The following UBR2 variants were observed in gnomAD, a reference collection of about 807,000 sequenced individuals.
The protein encoded by UBR2 is E3 ubiquitin-protein ligase UBR2.
In UBR2, 92 loss-of-function variants were observed where a neutral mutation model predicts 247.9. The observed-to-expected ratio is 0.37, with a 90% confidence interval of 0.31 to 0.44. The LOEUF is 0.44. Ranked by LOEUF, UBR2 falls within the 20% of genes least tolerant of loss-of-function variation. The pLI, the probability that UBR2 is intolerant of heterozygous loss-of-function variation, is 1.00. For synonymous variants in UBR2, 672 were observed against 693.5 expected, an observed-to-expected ratio of 0.97 and a Z score of 0.49; for missense variants, 1,613 against 2,112.6, an observed-to-expected ratio of 0.76 and a Z score of 4.64.
In UBR2 at chr6:42,655,204, A is replaced by C. The variant is rs148480772; in HGVS notation, c.2770-417A>C. Among the ~76,000 whole-genome samples the C allele has an allele frequency of 4.2e-3, 637 of 152,270 alleles. 6 individuals are homozygous for C. The highest frequency in any genetic ancestry group is 0.015 in the African/African-American group (605 of 41,556). On this transcript the variant is annotated intron_variant, in intron 25 of 46. Coordinates refer to ENST00000372901, the MANE Select transcript of UBR2 (RefSeq NM_001363705.2). Reference sequence around the variant, plus strand: ...AAAAATTAGTACTTCAAGGCCGGGCATGGTGGCTCACGCCTTTAATCCCAG... The same window carrying C: ...AAAAATTAGTACTTCAAGGCCGGGCCTGGTGGCTCACGCCTTTAATCCCAG...
At position 42,665,305 on chromosome 6, in the gene UBR2, A is replaced by T; in HGVS notation, c.3699-104A>T. 3.7e-6 allele frequency: 3 copies of T among 804,076 alleles called. No homozygotes were observed. The highest frequency in any genetic ancestry group is 3.1e-5 in the Admixed American group (1 of 32,294). The allele number at this position is 804,076 out of a possible 1,614,324, so 49.8% of individuals were successfully genotyped here. ...ATTTTCCCTTATCCTTTTTGTTTTTAATATTTGGAGTGTGTCTAAAATATG... is the reference window on the plus strand; with the variant it reads ...ATTTTCCCTTATCCTTTTTGTTTTTTATATTTGGAGTGTGTCTAAAATATG... On this transcript the variant is annotated intron_variant, in intron 32 of 46. Coordinates refer to ENST00000372901, the MANE Select transcript of UBR2 (RefSeq NM_001363705.2).
chr6:42,599,153 T>G (rs970275776), intron 4 of UBR2, among the ~76,000 whole-genome samples: 7 of 152,136 alleles, frequency 4.6e-5, no homozygotes, highest in African/African-American at 1.7e-4. Flanking sequence ...AAGTGAAGAT[T>G]TTTGTAATCT....
At position 42,658,833 on chromosome 6, in the gene UBR2, A is replaced by C. The variant is rs1381629674; in HGVS notation, c.3242+9A>C. 2 of 1,531,156 alleles carry C rather than the reference A, an allele frequency of 1.3e-6. No individual in the cohort carries two copies. Among genetic ancestry groups the C allele is most frequent in the Non-Finnish European group, 1.7e-6 (2 of 1,144,072 alleles). 94.8% of individuals were successfully genotyped at this position (1,531,156 alleles called of 1,614,324 possible). On this transcript the variant is annotated intron_variant, in intron 29 of 46. Coordinates refer to ENST00000372901, the MANE Select transcript of UBR2 (RefSeq NM_001363705.2). ...GCTGTTCTTGATCATAGGTAAAAAA[A>C]AAAAAAAAAAAAATTAATGTCTTGA...
chr6:42,683,964 A>T (rs889867832), intron 43 of UBR2, among the ~76,000 whole-genome samples: 4 of 152,230 alleles, frequency 2.6e-5, no homozygotes, highest in Admixed American at 2.6e-4. Context: ...TCAGAAGACT[A>T]GAGATTATCT....
chr6:42,594,072 C>A, intron 3 of UBR2, 119 bp from the exon 4 acceptor site: 1 of 657,794 alleles, frequency 1.5e-6, no homozygotes, highest in Admixed American at 3.4e-5. Context: ...AATTTTATGC[C>A]TCCAAAGAAA....
At chr6:42,576,711 G>C (rs973793856) in intron 2 of UBR2, among the ~76,000 whole-genome samples, 1 of 151,830 alleles carries the variant, frequency 6.6e-6, no homozygotes, top group East Asian at 1.9e-4. Context: ...AGTAGGGATG[G>C]GGTTTCACCA....
At chr6:42,603,501 C>T in intron 4 of UBR2, 87 bp from the exon 5 acceptor site, 1 of 1,305,584 alleles carries the variant, frequency 7.7e-7, no homozygotes, top group Non-Finnish European at 9.9e-7. Context: ...TTTTACTATA[C>T]TATTTTGAGG....
intron 16 of UBR2, among the ~76,000 whole-genome samples, chr6:42,640,633 TG>T (rs1236071905): frequency 1.3e-5 from 2 of 152,150 alleles, no homozygotes; most frequent in African/African-American, 4.8e-5. Flanking sequence ...CCTTCTTCCA[TG>T]GGGGACGTCA....
At position 42,689,421 on chromosome 6, in the gene UBR2, C is replaced by T; in HGVS notation, c.5025-148C>T. 1 of 783,966 alleles carries T rather than the reference C, an allele frequency of 1.3e-6. No individual in the cohort carries two copies. Among genetic ancestry groups the T allele is most frequent in the Non-Finnish European group, 2.1e-6 (1 of 467,916 alleles). 48.6% of individuals were successfully genotyped at this position (783,966 alleles called of 1,614,324 possible). ...AAATTTGACTCGATTCAACCTATTT[C>T]CTAGTTTGTGCACAATTTTTTAATG... is the stretch of plus-strand genomic sequence containing the variant. On this transcript the variant is annotated intron_variant, in intron 45 of 46. Transcript: ENST00000372901. This position sits in a 1 kb window ranked among gnomAD's most constrained non-coding sequence, Gnocchi z 4.0.
intron 2 of UBR2, among the ~76,000 whole-genome samples, chr6:42,583,688 A>AT (rs1792059756): frequency 6.6e-6 from 1 of 151,224 alleles, no homozygotes; most frequent in African/African-American, 2.4e-5. Flanking sequence ...GTCCCAGCTA[A>AT]TTTTTTTGTA....
chr6:42,605,957 G>A (rs943574177), intron 6 of UBR2, 98 bp downstream of exon 6: 7 of 1,089,160 alleles, frequency 6.4e-6, no homozygotes, highest in Non-Finnish European at 8.8e-6. Context: ...ATATATCTAG[G>A]CTTTTCTTAA....
chr6:42,615,338 G>A (rs1464057704), intron 9 of UBR2, among the ~76,000 whole-genome samples, 160 bp downstream of exon 9: 1 of 152,098 alleles, frequency 6.6e-6, no homozygotes, highest in East Asian at 1.9e-4. Flanking sequence ...TTGGTGGGGT[G>A]GGGTCCATGA....
At position 42,676,147 on chromosome 6, in the gene UBR2, T is replaced by C; in HGVS notation, c.4343T>C (p.Val1448Ala). The C allele has an allele frequency of 1.9e-6, 3 of 1,613,876 alleles. No homozygotes were observed. The highest frequency in any genetic ancestry group is 2.5e-6 in the Non-Finnish European group (3 of 1,179,980). ...GGAGACCTTCACATTTTCCATCTGG[T>C]TACTATGGCACACATCATACAGATC... Reference protein sequence around the residue: ...GTGDLHIFHLVTMAHIIQILL... With the variant: ...GTGDLHIFHLATMAHIIQILL... The change falls in exon 39 of 47, where the codon GTT (valine) becomes GCT (alanine). Residue 1448 changes from valine (V) to alanine (A), a missense_variant. Transcript: ENST00000372901.
intron 2 of UBR2, among the ~76,000 whole-genome samples, chr6:42,578,958 A>AACAAACACAC (rs1415279279): frequency 5.6e-4 from 65 of 116,382 alleles, no homozygotes; most frequent in Middle Eastern, 4.2e-3. Context: ...CCATCTCAAA[A>AACAAACACAC]ACACACACAC....
intron 40 of UBR2, among the ~76,000 whole-genome samples, chr6:42,678,112 A>G (rs1205624869): frequency 1.3e-5 from 2 of 152,202 alleles, no homozygotes; most frequent in East Asian, 1.9e-4. Context: ...CAAGGCGGGC[A>G]GATCACAAGA....
rs933427513 is a variant in UBR2 at position 42,679,214 on chromosome 6, G to A, written c.4610-510G>A. Among the ~76,000 whole-genome samples the A allele has an allele frequency of 3.9e-5, 6 of 152,246 alleles. No individual in the cohort carries two copies. The South Asian group carries it at 1.0e-3, about 26-fold the overall frequency. On this transcript the variant is annotated intron_variant, in intron 41 of 46. Transcript: ENST00000372901. ...CACAGTGCCTGGCACTGGCCGTAGA[G>A]TACCTGCATGCAGTGCTACTCTCTG... is the stretch of plus-strand genomic sequence containing the variant.
rs1347143337 is a variant in UBR2 at position 42,692,088 on chromosome 6, T to C, written c.*915T>C. On this transcript the variant is annotated 3_prime_UTR_variant, in exon 47 of 47. Coordinates refer to ENST00000372901, the MANE Select transcript of UBR2 (RefSeq NM_001363705.2). ...TTGAGCTTTTAAGGTAAGCTTCTTT[T>C]GGCTTTTTTTCAGATGTTCACCAAG... The C allele has an allele frequency of 2.0e-5, 3 of 152,140 alleles. No individual in the cohort carries two copies. The highest frequency in any genetic ancestry group is 4.4e-5 in the Non-Finnish European group (3 of 68,022). The allele number at this position is 152,140 out of a possible 1,614,324, so 9.4% of individuals were successfully genotyped here.
intron 21 of UBR2, among the ~76,000 whole-genome samples, chr6:42,646,077 A>G (rs1180967410): frequency 6.6e-6 from 1 of 152,202 alleles, no homozygotes; most frequent in African/African-American, 2.4e-5. Flanking sequence ...AATGCAAAAT[A>G]ATAGTGAAAA....
At chr6:42,636,799 G>A (rs1796126264) in intron 14 of UBR2, among the ~76,000 whole-genome samples, 1 of 152,074 alleles carries the variant, frequency 6.6e-6, no homozygotes, top group Admixed American at 6.6e-5. Flanking sequence ...GAGGGTATTG[G>A]AATAACTTCT....
Sources: gnomAD v4.1 joint callset for allele counts (sites outside exome capture counted in the v4.1 genomes callset) on GRCh38, gnomAD v4.1.1 for gene constraint, Gnocchi (gnomAD v3.1) non-coding constraint, MANE v1.5 for transcripts, NCBI Gene and HGNC (gene_info 2026-07-23, HGNC 2026-07-21) for gene names.